The following RAD51AP1 variants were observed in gnomAD, a reference collection of about 807,000 sequenced individuals.
RAD51AP1 encodes RAD51 associated protein 1.
Under a neutral mutation model 34.3 loss-of-function variants are expected in RAD51AP1, and 14 were observed. That is an observed-to-expected ratio of 0.41 (90% CI 0.27 to 0.64). RAD51AP1 has a LOEUF of 0.64. Ranked by LOEUF, RAD51AP1 falls within the 30% of genes least tolerant of loss-of-function variation. The pLI is 0.33. For synonymous variants in RAD51AP1, 114 were observed against 129.8 expected (o/e 0.88, Z 0.83); for missense variants, 348 against 386.9 (o/e 0.90, Z 0.84).
At chr12:4,539,898 G>A (rs1320910213) in intron 1 of RAD51AP1, among the ~76,000 whole-genome samples, 1 of 152,140 alleles carries the variant, frequency 6.6e-6, no homozygotes, top group East Asian at 1.9e-4. Flanking sequence ...GTAGGGGAGA[G>A]GAATCTAAGT....
intron 6 of RAD51AP1, chr12:4,550,424 T>A (rs1224644622): frequency 6.6e-6 from 1 of 152,232 alleles, no homozygotes; most frequent in Non-Finnish European, 1.5e-5. Context: ...ACCCCTTGCC[T>A]TCTTTGAGCG....
intron 3 of RAD51AP1, 83 bp downstream of exon 3, chr12:4,543,987 T>C: frequency 3.3e-6 from 4 of 1,218,016 alleles, no homozygotes; most frequent in Non-Finnish European, 4.4e-6. Context: ...TTGATTTAAA[T>C]TAGAACTTGG....
chr12:4,541,317 G>A (rs1944465029), intron 1 of RAD51AP1, among the ~76,000 whole-genome samples: 1 of 152,124 alleles, frequency 6.6e-6, no homozygotes. Flanking sequence ...CATCTCAGGT[G>A]GTAGGAACAA....
chr12:4,546,804 G>A (rs1452244099), intron 4 of RAD51AP1, among the ~76,000 whole-genome samples: 1 of 152,084 alleles, frequency 6.6e-6, no homozygotes, highest in Non-Finnish European at 1.5e-5. Flanking sequence ...TACTTACAAA[G>A]GTCAAAGGTA....
rs1045814916 is a variant in RAD51AP1 at position 4,545,908 on chromosome 12, T to G, written c.210-401T>G. 1.3e-5 allele frequency: 20 copies of G among 1,519,976 alleles called. No homozygotes were observed. In the East Asian group the frequency reaches 2.0e-4, roughly 15 times the overall value. 94.2% of individuals were successfully genotyped at this position (1,519,976 alleles called of 1,614,324 possible). A position where few individuals can be genotyped will look rare whatever the true frequency, so the allele number is the denominator to read the frequency against. On this transcript the variant is annotated intron_variant, in intron 3 of 8. Transcript: ENST00000352618. ...GTAAAAAAATGATAATAATTTTAATTTAATGTAAGAGCTATAAAATCTGCT... is the reference window on the plus strand; with the variant it reads ...GTAAAAAAATGATAATAATTTTAATGTAATGTAAGAGCTATAAAATCTGCT...
chr12:4,555,416 C>A (rs1182967207), intron 7 of RAD51AP1, among the ~76,000 whole-genome samples: 2 of 152,128 alleles, frequency 1.3e-5, no homozygotes, highest in Admixed American at 6.5e-5. Context: ...ACCATAATAA[C>A]CTTCTAAGTA....
intron 5 of RAD51AP1, 116 bp downstream of exon 5, chr12:4,548,294 G>T: frequency 2.2e-6 from 3 of 1,340,708 alleles, no homozygotes; most frequent in Non-Finnish European, 3.0e-6. Context: ...AGACTCTCTT[G>T]ATGTCATGGC....
chr12:4,539,323 G>T (rs1331747533), intron 1 of RAD51AP1, among the ~76,000 whole-genome samples: 1 of 152,102 alleles, frequency 6.6e-6, no homozygotes, highest in African/African-American at 2.4e-5. Flanking sequence ...ACATTTCTAC[G>T]TATAGAGGGT....
intron 7 of RAD51AP1, among the ~76,000 whole-genome samples, chr12:4,555,343 T>C (rs1024118634): frequency 6.6e-6 from 1 of 152,158 alleles, no homozygotes; most frequent in African/African-American, 2.4e-5. Flanking sequence ...CCAAAACATA[T>C]CTAATGTGCT....
At chr12:4,544,204 A>G (rs1281004991) in intron 3 of RAD51AP1, among the ~76,000 whole-genome samples, 1 of 152,226 alleles carries the variant, frequency 6.6e-6, no homozygotes, top group African/African-American at 2.4e-5. Context: ...ATACGAGACT[A>G]CTTTGTTAAA....
At chr12:4,544,407 GC>G (rs1388962095) in intron 3 of RAD51AP1, among the ~76,000 whole-genome samples, 1 of 152,162 alleles carries the variant, frequency 6.6e-6, no homozygotes, top group African/African-American at 2.4e-5. Flanking sequence ...GTATCAAGAG[GC>G]AGAAAGGAGT....
chr12:4,557,135 G>A (rs1944588274), intron 8 of RAD51AP1, among the ~76,000 whole-genome samples: 1 of 152,152 alleles, frequency 6.6e-6, no homozygotes, highest in South Asian at 2.1e-4. Context: ...TCATCCACCT[G>A]CATGAACCGT....
Position 4,548,121 on chromosome 12 carries a change from G to A in RAD51AP1, c.349G>A (p.Glu117Lys), listed in dbSNP as rs1944519559. The change falls in exon 5 of 9, where the codon GAA becomes AAA. Residue 117 changes from glutamate to lysine, a missense_variant. Transcript: ENST00000352618. ...TGAAAAACATGGCAGTAGTAAAATAGAAACAATGAATAAGTCTCCTCATAT... is the reference window on the plus strand; with the variant it reads ...TGAAAAACATGGCAGTAGTAAAATAAAAACAATGAATAAGTCTCCTCATAT... ...SIEKHGSSKI[E>K]TMNKSPHISN... is the part of the protein sequence containing the mutation. 1 of 1,601,130 alleles carries A rather than the reference G, an allele frequency of 6.2e-7. No individual in the cohort carries two copies. Among genetic ancestry groups the A allele is most frequent in the Non-Finnish European group, 8.5e-7 (1 of 1,176,848 alleles).
At chr12:4,541,540 A>G (rs1246888430) in intron 1 of RAD51AP1, among the ~76,000 whole-genome samples, 2 of 152,160 alleles carry the variant, frequency 1.3e-5, no homozygotes, top group African/African-American at 4.8e-5. Flanking sequence ...AATTATGTAG[A>G]TTATTCTTTG....
In RAD51AP1 at chr12:4,548,147, C is replaced by G; in HGVS notation, c.375C>G (p.Ile125Met). ...KIETMNKSPH[I>M]SNCSVASDYL... ...AAACAATGAATAAGTCTCCTCATAT[C>G]TCTAATTGCAGTGTAGCCAGTGATT... Residue 125 changes from isoleucine to methionine, a missense_variant, in exon 5 of 9, where the codon ATC becomes ATG. Coordinates refer to ENST00000352618, the MANE Select transcript of RAD51AP1 (RefSeq NM_006479.5). 1 of 1,602,760 alleles carries G rather than the reference C, an allele frequency of 6.2e-7. No individual in the cohort carries two copies. The highest frequency in any genetic ancestry group is 8.5e-7 in the Non-Finnish European group (1 of 1,177,282).
intron 1 of RAD51AP1, 46 bp downstream of exon 1, chr12:4,539,002 GA>G: frequency 1.3e-6 from 2 of 1,596,868 alleles, no homozygotes; most frequent in Non-Finnish European, 1.7e-6. Context: ...AAAACTAAGG[GA>G]AAAGACATGA....
chr12:4,539,174 C>G (rs1944433073), intron 1 of RAD51AP1, among the ~76,000 whole-genome samples: 1 of 152,178 alleles, frequency 6.6e-6, no homozygotes, highest in Admixed American at 6.5e-5. Context: ...CAACCGTCGC[C>G]GTTTCTTTTA....
At position 4,548,855 on chromosome 12, in the gene RAD51AP1, C is replaced by A; in HGVS notation, c.556+19C>A. On this transcript the variant is annotated intron_variant, in intron 6 of 8. Transcript: ENST00000352618. ...GCACCTGGTAGGTTTTATTCTACTT[C>A]GAAATTAATTCTATGGGAATTCAGT... 1 of 1,601,480 alleles carries A rather than the reference C, an allele frequency of 6.2e-7. No individual in the cohort carries two copies. The highest frequency in any genetic ancestry group is 1.1e-5 in the South Asian group (1 of 89,410).
intron 2 of RAD51AP1, among the ~76,000 whole-genome samples, chr12:4,543,059 C>CT (rs138088456): frequency 0.036 from 5,498 of 151,874 alleles, 333 homozygotes; most frequent in African/African-American, 0.12. Flanking sequence ...AGGTAATGGG[C>CT]TTTTTTTTCT....
Sources: gnomAD v4.1 joint callset for allele counts (sites outside exome capture counted in the v4.1 genomes callset) on GRCh38, gnomAD v4.1.1 for gene constraint, MANE v1.5 for transcripts, NCBI Gene and HGNC (gene_info 2026-07-23, HGNC 2026-07-21) for gene names.